The following DEPDC5 variants were observed in gnomAD, a reference collection of about 807,000 sequenced individuals.
DEPDC5 encodes GATOR1 complex protein DEPDC5.
Under a neutral mutation model 217.3 loss-of-function variants are expected in DEPDC5, and 73 were observed. The ratio of observed to expected loss-of-function variants is 0.34; its 90% CI spans 0.28 to 0.41. The LOEUF (loss-of-function observed/expected upper bound fraction) is 0.41, where lower values mean the gene tolerates loss of function less well. DEPDC5 is among the 10% of genes least tolerant of loss of function. The probability of loss-of-function intolerance (pLI) is 1.00; values close to 1 mark genes in which losing one functional copy is unlikely to be tolerated. For synonymous variants in DEPDC5, 733 were observed against 756.7 expected (o/e 0.97, Z 0.51); for missense variants, 1,675 against 2,070.1 (o/e 0.81, Z 3.70).
At chr22:31,811,871 A>G (rs188592422) in intron 20 of DEPDC5, among the ~76,000 whole-genome samples, 1 of 152,312 alleles carries the variant, frequency 6.6e-6, no homozygotes. Flanking sequence ...ATTGTGATGT[A>G]GTTAGATCTA....
Position 31,879,568 on chromosome 22 carries a change from G to T in DEPDC5, c.3849G>T (p.Val1283=). The change falls in exon 38 of 43, where the codon GTG becomes GTT. Residue 1283 remains valine (V), a synonymous_variant. Transcript: ENST00000651528. The part of the protein sequence containing the change: ...QPATTWHTAG[V]DDFASFQRKW... ...CCACCACCTGGCACACAGCAGGAGT[G>T]GACGACTTCGCCAGCTTCCAGCGCA... 3 of 1,612,936 alleles carry T rather than the reference G, an allele frequency of 1.9e-6. No homozygotes were observed. The highest frequency in any genetic ancestry group is 2.5e-6 in the Non-Finnish European group (3 of 1,180,030).
chr22:31,802,068 TATA>T (rs1216028849), intron 14 of DEPDC5, among the ~76,000 whole-genome samples: 5 of 147,310 alleles, frequency 3.4e-5, no homozygotes, highest in Admixed American at 1.4e-4. Context: ...TATAAAATAA[TATA>T]ATCAAAGTTT....
At chr22:31,805,993 G>T in intron 17 of DEPDC5, 129 bp from the exon 18 acceptor site, 1 of 719,230 alleles carries the variant, frequency 1.4e-6, no homozygotes, top group Non-Finnish European at 2.3e-6. Context: ...AGTTAAAATT[G>T]GGAAGATTAG....
At chr22:31,816,004 GT>G in intron 21 of DEPDC5, 1 of 985,760 alleles carries the variant, frequency 1.0e-6, no homozygotes, top group Non-Finnish European at 1.2e-6. Context: ...TTGCATTTTA[GT>G]TTCTCATTTA....
At position 31,838,620 on chromosome 22, in the gene DEPDC5, G is replaced by A. The variant is rs2091196135; in HGVS notation, c.2355-65G>A. On this transcript the variant is annotated intron_variant, in intron 26 of 42. Transcript: ENST00000651528. The stretch of plus-strand genomic sequence containing the variant: ...ATGAAGCAAAGGAGATGATGAGACT[G>A]TGCACTCTTAAGTGTCACTGTCTCG... The A allele has an allele frequency of 1.1e-5, 17 of 1,581,096 alleles. No individual in the cohort carries two copies. In the South Asian group the frequency reaches 2.0e-4, roughly 18 times the overall value.
At chr22:31,850,421 A>G (rs1213049406) in intron 31 of DEPDC5, among the ~76,000 whole-genome samples, 1 of 152,218 alleles carries the variant, frequency 6.6e-6, no homozygotes, top group Non-Finnish European at 1.5e-5. Flanking sequence ...TTCTTACAGT[A>G]TATGGTATAA....
chr22:31,755,208 T>C, intron 2 of DEPDC5: 1 of 517,172 alleles, frequency 1.9e-6, no homozygotes, highest in South Asian at 2.9e-5. Flanking sequence ...TTTACTACCC[T>C]TCATTTGTTG....
Position 31,768,860 on chromosome 22 carries a change from T to C in DEPDC5, c.410T>C (p.Ile137Thr), listed in dbSNP as rs762300886. The C allele has an allele frequency of 1.2e-6, 2 of 1,613,776 alleles. No individual in the cohort carries two copies. Among genetic ancestry groups the C allele is most frequent in the South Asian group, 2.2e-5 (2 of 91,018 alleles). ...ACCCAGAAGGTGGAGTTTGCTGGCA[T>C]CAGGTAGATATTACATCACTCTTGC... is the stretch of plus-strand genomic sequence containing the variant. ...YITQKVEFAG[I>T]RAQAGELWVK... Residue 137 changes from isoleucine to threonine, a missense_variant, in exon 7 of 43, where the codon ATC becomes ACC. Around this residue, in one of 11 missense-constraint regions of DEPDC5, gnomAD observed 628 missense variants for 762.1 expected, o/e 0.82. Coordinates refer to ENST00000651528, the MANE Select transcript of DEPDC5 (RefSeq NM_001242896.3).
intron 38 of DEPDC5, among the ~76,000 whole-genome samples, chr22:31,884,997 C>T (rs914497288): frequency 3.9e-5 from 6 of 152,202 alleles, no homozygotes; most frequent in African/African-American, 1.4e-4. Flanking sequence ...TCTGTCTCCT[C>T]TATGATCGTG....
In DEPDC5 at chr22:31,769,161, G is replaced by A. The variant is rs1051453335; in HGVS notation, c.413+298G>A. The A allele has an allele frequency of 1.3e-4, 23 of 182,010 alleles. No homozygotes were observed. In the Admixed American group the frequency reaches 1.4e-3, roughly 11 times the overall value. The allele number at this position is 182,010 out of a possible 1,614,324, so 11.3% of individuals were successfully genotyped here. A position where few individuals can be genotyped will look rare whatever the true frequency, so the allele number is the denominator to read the frequency against. The stretch of plus-strand genomic sequence containing the variant: ...TGTAGTCGCAGCTACTTGGGAGACT[G>A]AGGCAGGAGAATGGCGTGAACCCGG... On this transcript the variant is annotated intron_variant, in intron 7 of 42. Transcript: ENST00000651528.
In DEPDC5 at chr22:31,834,117, G is replaced by T. The variant is rs781316773; in HGVS notation, c.2170+137G>T. On this transcript the variant is annotated intron_variant, in intron 25 of 42. Transcript: ENST00000651528. The stretch of plus-strand genomic sequence containing the variant: ...TACCTCTGGGGTATGGGAAGGCGAT[G>T]TGGTGAGGGAGGACTCTCTGGACTC... 5 of 866,084 alleles carry T rather than the reference G, an allele frequency of 5.8e-6. No individual in the cohort carries two copies. In the African/African-American group the frequency reaches 8.3e-5, roughly 14 times the overall value. The allele number at this position is 866,084 out of a possible 1,614,324, so 53.6% of individuals were successfully genotyped here.
intron 18 of DEPDC5, 54 bp from the exon 19 acceptor site, chr22:31,809,557 T>C: frequency 6.3e-7 from 1 of 1,599,438 alleles, no homozygotes; most frequent in Non-Finnish European, 8.6e-7. Flanking sequence ...TGCCTTGTGA[T>C]AAGTTCTTTT....
rs531658963 is a variant in DEPDC5, at chr22:31,893,854, C to T, written c.4203+103C>T. 9.5e-6 allele frequency: 12 copies of T among 1,264,850 alleles called. No individual in the cohort carries two copies. In the South Asian group the frequency reaches 2.3e-4, roughly 24 times the overall value. 78.4% of individuals were successfully genotyped at this position (1,264,850 alleles called of 1,614,324 possible). On this transcript the variant is annotated intron_variant, in intron 39 of 42. Coordinates refer to ENST00000651528, the MANE Select transcript of DEPDC5 (RefSeq NM_001242896.3). ...TCACTTTAATTTTTTAGTTCAGGCT[C>T]TTATTACCATTCATCGGGACTATTG...
chr22:31,790,893 C>T (rs998212010), intron 10 of DEPDC5, among the ~76,000 whole-genome samples: 7 of 151,862 alleles, frequency 4.6e-5, no homozygotes, highest in African/African-American at 7.3e-5. Flanking sequence ...ATTTCAGGCG[C>T]GTGCCACATT....
chr22:31,856,852 C>G (rs926760636), intron 31 of DEPDC5, among the ~76,000 whole-genome samples: 6 of 152,170 alleles, frequency 3.9e-5, no homozygotes, highest in Admixed American at 1.3e-4. Flanking sequence ...TCACTGCGAC[C>G]TCTGCCTCCT....
chr22:31,892,291 A>G (rs916731688), intron 38 of DEPDC5, among the ~76,000 whole-genome samples: 7 of 152,202 alleles, frequency 4.6e-5, no homozygotes, highest in Non-Finnish European at 1.0e-4. Flanking sequence ...GAAGTAAACT[A>G]TGGCTTAAGC....
rs1455814934 is a variant in DEPDC5 at position 31,822,766 on chromosome 22, G to A, written c.2080G>A (p.Gly694Ser). The change falls in exon 24 of 43, where the codon GGC (glycine) becomes AGC (serine). Residue 694 changes from glycine to serine, a missense_variant. Coordinates refer to ENST00000651528, the MANE Select transcript of DEPDC5 (RefSeq NM_001242896.3). ...CAGTGGAACAGAGGAGCTTTCTGTC[G>A]GCCTGCTTAGCAACAGTGGTGCAGG... ...NFSGTEELSV[G>S]LLSNSGAGMN... 6.2e-6 allele frequency: 10 copies of A among 1,614,016 alleles called. No individual in the cohort carries two copies. The highest frequency in any genetic ancestry group is 8.5e-6 in the Non-Finnish European group (10 of 1,179,966).
chr22:31,847,094 A>T, intron 31 of DEPDC5, 127 bp downstream of exon 31: 1 of 1,375,314 alleles, frequency 7.3e-7, no homozygotes, highest in Non-Finnish European at 9.9e-7. Flanking sequence ...GAAGGCATTT[A>T]TGTGAAAAGG....
At position 31,811,573 on chromosome 22, in the gene DEPDC5, A is replaced by G. The variant is rs532590740; in HGVS notation, c.1445+932A>G. Among the ~76,000 whole-genome samples, 21 of 147,260 alleles carry G rather than the reference A, an allele frequency of 1.4e-4. No individual in the cohort carries two copies. The South Asian group carries it at 4.1e-3, about 29-fold the overall frequency. On this transcript the variant is annotated intron_variant, in intron 20 of 42. Coordinates refer to ENST00000651528, the MANE Select transcript of DEPDC5 (RefSeq NM_001242896.3). ...TAGTTGTTTTTTTTTTTTTTGAGAC[A>G]GGATCTCCTTCTGTCACCCAGGCTG...
Sources: allele counts gnomAD v4.1 joint callset (sites outside exome capture counted in the v4.1 genomes callset), GRCh38; gene constraint gnomAD v4.1.1; regional missense constraint gnomAD v4.1.1; transcripts MANE v1.5; gene names NCBI Gene and HGNC (gene_info 2026-07-23, HGNC 2026-07-21).